The following NRXN1 variants were observed in gnomAD, a reference collection of about 807,000 sequenced individuals.
The protein encoded by NRXN1 is neurexin 1, also known as neurexin-1.
In NRXN1, 39 loss-of-function variants were observed where a neutral mutation model predicts 150.9. The ratio of observed to expected loss-of-function variants is 0.26; its 90% CI spans 0.20 to 0.34. NRXN1 has a LOEUF of 0.34. Ranked by LOEUF, NRXN1 falls within the 10% of genes least tolerant of loss-of-function variation. The pLI is 1.00. For missense variants in NRXN1, 1,815 were observed against 1,949.9 expected (o/e 0.93, Z 1.30); for synonymous variants, 924 against 757.0 (o/e 1.22, Z -3.62).
intron 5 of NRXN1, among the ~76,000 whole-genome samples, chr2:50,672,135 A>G (rs940481263): frequency 6.6e-6 from 1 of 151,964 alleles, no homozygotes; most frequent in Non-Finnish European, 1.5e-5. Context: ...CTATAATACC[A>G]TTAATCTCTG....
chr2:50,858,518 A>C (rs1675600630), intron 5 of NRXN1, among the ~76,000 whole-genome samples: 1 of 152,086 alleles, frequency 6.6e-6, no homozygotes, highest in Non-Finnish European at 1.5e-5. Flanking sequence ...TAATAGCAAT[A>C]ATTGCCTGGG....
chr2:50,722,863 G>A (rs1199459593), intron 5 of NRXN1, among the ~76,000 whole-genome samples: 1 of 151,996 alleles, frequency 6.6e-6, no homozygotes, highest in Non-Finnish European at 1.5e-5. Context: ...CTCATAAATC[G>A]TCTTGCCTTG....
chr2:50,226,171 G>C (rs2064352894), intron 18 of NRXN1, among the ~76,000 whole-genome samples: 1 of 151,900 alleles, frequency 6.6e-6, no homozygotes, highest in African/African-American at 2.4e-5. Flanking sequence ...TTAACTACCT[G>C]AGTATATATT....
In NRXN1 at chr2:50,522,885, C is replaced by G. The variant is rs186591949; in HGVS notation, c.2374+5740G>C. ...TAGCTGGGATTATAGGCACCTGCCA[C>G]TATGCCCTGCTAGTTTTTTTGTATT... On this transcript the variant is annotated intron_variant, in intron 12 of 22. Coordinates refer to ENST00000401669, the MANE Select transcript of NRXN1 (RefSeq NM_001330078.2). Among the ~76,000 whole-genome samples the G allele has an allele frequency of 9.7e-3, 1,183 of 121,764 alleles. 12 individuals carry two copies. Among genetic ancestry groups the G allele is most frequent in the African/African-American group, 0.036 (1,092 of 30,200 alleles). 79.9% of individuals were successfully genotyped at this position (121,764 alleles called of 152,430 possible). A position where few individuals can be genotyped will look rare whatever the true frequency, so the allele number is the denominator to read the frequency against.
At chr2:50,852,409 G>T (rs1037263697) in intron 5 of NRXN1, among the ~76,000 whole-genome samples, 1 of 152,002 alleles carries the variant, frequency 6.6e-6, no homozygotes, top group South Asian at 2.1e-4. Flanking sequence ...TTCTTTTGTT[G>T]TTACGTTAAA....
intron 5 of NRXN1, among the ~76,000 whole-genome samples, chr2:50,861,760 T>A (rs769690173): frequency 7.9e-5 from 12 of 152,112 alleles, no homozygotes; most frequent in Admixed American, 6.6e-4. Flanking sequence ...CTTGAGCTGA[T>A]ATTTTTTTCC....
chr2:50,297,206 T>C (rs1310412000), intron 17 of NRXN1, among the ~76,000 whole-genome samples: 1 of 152,156 alleles, frequency 6.6e-6, no homozygotes, highest in Non-Finnish European at 1.5e-5. Context: ...TTCTTTTTAA[T>C]GGCTGTATAG....
intron 5 of NRXN1, among the ~76,000 whole-genome samples, chr2:50,779,016 C>T (rs1248566010): frequency 6.6e-6 from 1 of 152,118 alleles, no homozygotes; most frequent in East Asian, 1.9e-4. Flanking sequence ...TATACATCTA[C>T]ATTTTTTTTC....
At chr2:50,296,834 C>A (rs921515927) in intron 17 of NRXN1, among the ~76,000 whole-genome samples, 2 of 150,996 alleles carry the variant, frequency 1.3e-5, no homozygotes, top group African/African-American at 4.9e-5. Flanking sequence ...AGAATATTGG[C>A]CTCCACCTCC....
Position 50,538,652 on chromosome 2 carries a change from G to A in NRXN1, c.1760-16C>T, listed in dbSNP as rs79422704. ...GAAATGGTACCTATTTCAAAGAGAG[G>A]AGAATGCACAGGTCTTTAAAAAGCA... On this transcript the variant is annotated splice_polypyrimidine_tract_variant and intron_variant, in intron 9 of 22. Coordinates refer to ENST00000401669, the MANE Select transcript of NRXN1 (RefSeq NM_001330078.2). The A allele has an allele frequency of 6.7e-3, 9,819 of 1,463,702 alleles. 53 individuals carry two copies. The highest frequency in any genetic ancestry group is 7.9e-3 in the Non-Finnish European group (8,777 of 1,104,242). 90.7% of individuals were successfully genotyped at this position (1,463,702 alleles called of 1,614,324 possible). A position where few individuals can be genotyped will look rare whatever the true frequency, so the allele number is the denominator to read the frequency against.
At chr2:50,543,293 C>T (rs1401755541) in intron 9 of NRXN1, among the ~76,000 whole-genome samples, 2 of 152,014 alleles carry the variant, frequency 1.3e-5, no homozygotes, top group South Asian at 2.1e-4. Context: ...AACATTGTTA[C>T]ATTAAGGCTC....
chr2:50,921,670 G>C (rs1316813200), intron 5 of NRXN1, among the ~76,000 whole-genome samples, 199 bp downstream of exon 5: 1 of 150,868 alleles, frequency 6.6e-6, no homozygotes. Context: ...TCACTCTAAA[G>C]AGAAAAAAAA....
intron 17 of NRXN1, among the ~76,000 whole-genome samples, chr2:50,447,738 T>A (rs1410776652): frequency 2.0e-4 from 12 of 60,530 alleles, no homozygotes; most frequent in South Asian, 4.6e-4. Context: ...AGGGGAACGT[T>A]ATATATATAT....
intron 5 of NRXN1, among the ~76,000 whole-genome samples, chr2:50,829,127 G>GCACT (rs1389308735): frequency 6.9e-6 from 1 of 144,728 alleles, no homozygotes; most frequent in African/African-American, 2.5e-5. Flanking sequence ...CACTCGGCAG[G>GCACT]CTGAGGCAGG....
At chr2:50,978,606 C>T (rs1696291654) in intron 2 of NRXN1, among the ~76,000 whole-genome samples, 1 of 151,766 alleles carries the variant, frequency 6.6e-6, no homozygotes, top group Admixed American at 6.6e-5. Flanking sequence ...GTTTTGCATA[C>T]AATGCTTGGC....
At chr2:50,818,986 G>C (rs560219274) in intron 5 of NRXN1, among the ~76,000 whole-genome samples, 2 of 152,134 alleles carry the variant, frequency 1.3e-5, no homozygotes, top group Non-Finnish European at 2.9e-5. Context: ...GATATCAACC[G>C]ACACCTGTTA....
At chr2:51,020,865 T>C (rs1669494054) in intron 2 of NRXN1, among the ~76,000 whole-genome samples, 1 of 152,038 alleles carries the variant, frequency 6.6e-6, no homozygotes, top group Non-Finnish European at 1.5e-5. Context: ...GAGAGCATGG[T>C]ACTCATTCCA....
At chr2:50,437,724 G>A (rs2085567975) in intron 17 of NRXN1, among the ~76,000 whole-genome samples, 1 of 152,058 alleles carries the variant, frequency 6.6e-6, no homozygotes, top group South Asian at 2.1e-4. Context: ...GTGTGTGTGT[G>A]TGTGTGAAAA....
intron 18 of NRXN1, among the ~76,000 whole-genome samples, chr2:50,160,553 A>C (rs1362877598): frequency 1.3e-5 from 2 of 152,068 alleles, no homozygotes; most frequent in African/African-American, 4.8e-5. Flanking sequence ...AAAAAAAAAA[A>C]TGGCTTTCTG....
Sources: gnomAD v4.1 joint callset for allele counts (sites outside exome capture counted in the v4.1 genomes callset) on GRCh38, gnomAD v4.1.1 for gene constraint, MANE v1.5 for transcripts, NCBI Gene and HGNC (gene_info 2026-07-23, HGNC 2026-07-21) for gene names.